FAT3: variants seen among roughly 807,000 people sequenced by gnomAD.
FAT3 encodes the protein protocadherin Fat 3.
In FAT3, 95 loss-of-function variants were observed where a neutral mutation model predicts 310.2. That is an observed-to-expected ratio of 0.31 (90% CI 0.26 to 0.36). The LOEUF (loss-of-function observed/expected upper bound fraction) is 0.36. Ranked by LOEUF, FAT3 falls within the 10% of genes least tolerant of loss-of-function variation. FAT3 has a pLI of 1.00. For missense variants in FAT3, 5,408 were observed against 5,715.6 expected (o/e 0.95, Z 1.74); for synonymous variants, 2,314 against 2,192.9 (o/e 1.06, Z -1.54).
chr11:92,829,147 A>G (rs1333148277), intron 13 of FAT3, among the ~76,000 whole-genome samples: 1 of 152,212 alleles, frequency 6.6e-6, no homozygotes, highest in Non-Finnish European at 1.5e-5. Flanking sequence ...AGATTGGGCA[A>G]AGAGCCTAAG....
rs1336103326 is a variant in FAT3 at position 92,485,284 on chromosome 11, TG to T, written c.3293-39349del. ...TGGCACAGTATAGGTGTTAAATAAA[TG>T]CTGAAGATTAAAGACTTCTGCATAT... is the stretch of plus-strand genomic sequence containing the variant. On this transcript the variant is annotated intron_variant, in intron 2 of 27. Transcript: ENST00000525166. Among the ~76,000 whole-genome samples, 3 of 152,356 alleles carry T rather than the reference TG, an allele frequency of 2.0e-5. No individual in the cohort carries two copies. In the East Asian group the frequency reaches 5.8e-4, roughly 29 times the overall value.
chr11:92,565,108 T>C (rs1955381020), intron 3 of FAT3, among the ~76,000 whole-genome samples: 1 of 137,380 alleles, frequency 7.3e-6, no homozygotes, highest in African/African-American at 2.6e-5. Context: ...GCTGGTTTTT[T>C]GAAAGGATCA....
At chr11:92,767,474 C>T (rs1318338717) in intron 6 of FAT3, among the ~76,000 whole-genome samples, 1 of 152,070 alleles carries the variant, frequency 6.6e-6, no homozygotes, top group Non-Finnish European at 1.5e-5. Context: ...ACCCGTAGTA[C>T]ATCCCACCTA....
chr11:92,777,401 C>T (rs1204597186), intron 7 of FAT3, among the ~76,000 whole-genome samples: 3 of 152,148 alleles, frequency 2.0e-5, no homozygotes, highest in African/African-American at 7.2e-5. Flanking sequence ...CTCAGAGCTA[C>T]AATATCTAAT....
chr11:92,743,301 A>G (rs1945560109), intron 4 of FAT3, among the ~76,000 whole-genome samples: 1 of 152,170 alleles, frequency 6.6e-6, no homozygotes, highest in Non-Finnish European at 1.5e-5. Context: ...GCTGTAAGCA[A>G]TAAGGAGCCA....
intron 2 of FAT3, among the ~76,000 whole-genome samples, chr11:92,457,187 T>G (rs1358996212): frequency 6.6e-6 from 1 of 152,224 alleles, no homozygotes; most frequent in Non-Finnish European, 1.5e-5. Flanking sequence ...AGCCTCTCTT[T>G]AATCGTGATT....
intron 2 of FAT3, among the ~76,000 whole-genome samples, chr11:92,471,380 C>A (rs573897576): frequency 6.6e-6 from 1 of 152,124 alleles, no homozygotes; most frequent in South Asian, 2.1e-4. Flanking sequence ...AATAGCTTAA[C>A]AGAAAAATGG....
At chr11:92,653,852 A>C (rs929210610) in intron 3 of FAT3, among the ~76,000 whole-genome samples, 34 of 152,168 alleles carry the variant, frequency 2.2e-4, no homozygotes, top group Non-Finnish European at 4.6e-4. Context: ...TTGTGCTGTC[A>C]CTAAAGCAGG....
chr11:92,500,039 A>G (rs945411092), intron 2 of FAT3, among the ~76,000 whole-genome samples: 6 of 152,054 alleles, frequency 3.9e-5, no homozygotes, highest in African/African-American at 1.4e-4. Context: ...TGTAAAATTT[A>G]AAATGTTTTC....
intron 22 of FAT3, 95 bp from the exon 23 acceptor site, chr11:92,880,636 T>A (rs1949652394): frequency 7.1e-7 from 1 of 1,409,090 alleles, no homozygotes; most frequent in African/African-American, 1.5e-5. Context: ...TATTATACGG[T>A]TCAACAAAGA....
At chr11:92,540,697 T>G (rs1376944198) in intron 3 of FAT3, among the ~76,000 whole-genome samples, 1 of 152,168 alleles carries the variant, frequency 6.6e-6, no homozygotes, top group African/African-American at 2.4e-5. Context: ...GTGTTCATGC[T>G]TGGTGCCCTT....
chr11:92,374,505 G>T (rs1011391654), intron 2 of FAT3, among the ~76,000 whole-genome samples: 2 of 152,166 alleles, frequency 1.3e-5, no homozygotes, highest in Non-Finnish European at 2.9e-5. Context: ...TTGCAGGAAG[G>T]CAAGAAAGAT....
At chr11:92,485,426 C>G (rs1952350775) in intron 2 of FAT3, among the ~76,000 whole-genome samples, 1 of 152,154 alleles carries the variant, frequency 6.6e-6, no homozygotes, top group Non-Finnish European at 1.5e-5. Flanking sequence ...CAAAGTCATG[C>G]TTCTCTAGAG....
intron 3 of FAT3, among the ~76,000 whole-genome samples, chr11:92,674,182 AAAT>A (rs550101493): frequency 0.074 from 10,419 of 140,876 alleles, 964 homozygotes; most frequent in African/African-American, 0.22. Flanking sequence ...CTCCATCTCA[AAAT>A]AATAATAATA....
At chr11:92,652,206 G>A (rs2135762518) in intron 3 of FAT3, among the ~76,000 whole-genome samples, 1 of 97,648 alleles carries the variant, frequency 1.0e-5, no homozygotes, top group African/African-American at 5.8e-5. Flanking sequence ...CTGCTCCCAG[G>A]CCTTGGCAGC....
At chr11:92,258,840 TGGAATGAAGA>T (rs901982310) in intron 1 of FAT3, among the ~76,000 whole-genome samples, 22 of 151,848 alleles carry the variant, frequency 1.4e-4, no homozygotes, top group African/African-American at 5.3e-4. Context: ...ATGGAGCAGG[TGGAATGAAGA>T]CACAGAACTA....
At chr11:92,766,645 G>C (rs1210324445) in intron 6 of FAT3, 1 of 152,242 alleles carries the variant, frequency 6.6e-6, no homozygotes, top group Non-Finnish European at 1.5e-5. Context: ...ATGCCATCGT[G>C]TACATGGGCA....
intron 2 of FAT3, among the ~76,000 whole-genome samples, chr11:92,490,198 T>G (rs770409939): frequency 6.6e-6 from 1 of 152,192 alleles, no homozygotes; most frequent in East Asian, 1.9e-4. Context: ...CTGGCTTATA[T>G]GCAGCTAATG....
chr11:92,439,603 A>G (rs1018419636), intron 2 of FAT3, among the ~76,000 whole-genome samples: 2 of 152,070 alleles, frequency 1.3e-5, no homozygotes, highest in Non-Finnish European at 2.9e-5. Flanking sequence ...ATATTAATAC[A>G]TGTCACTATC....
Sources: allele counts gnomAD v4.1 joint callset (sites outside exome capture counted in the v4.1 genomes callset), GRCh38; gene constraint gnomAD v4.1.1; transcripts MANE v1.5; gene names NCBI Gene and HGNC (gene_info 2026-07-23, HGNC 2026-07-21).